Variants in TF observed in about 807,000 individuals in gnomAD.
TF encodes the protein serotransferrin.
A neutral mutation model predicts 82.4 loss-of-function variants in TF; 55 were observed. The observed-to-expected ratio is 0.67, with a 90% confidence interval of 0.54 to 0.84. TF has a LOEUF of 0.84. Ranked by LOEUF, TF falls within the 40% of genes least tolerant of loss-of-function variation. The pLI, the probability that TF is intolerant of heterozygous loss-of-function variation, is 0.00. For synonymous variants in TF, 332 were observed against 332.6 expected, an observed-to-expected ratio of 1.00 and a Z score of 0.02; for missense variants, 737 against 868.4, an observed-to-expected ratio of 0.85 and a Z score of 1.90.
chr3:133,761,771 T>C (rs1338348261), intron 9 of TF: 2 of 152,558 alleles, frequency 1.3e-5, no homozygotes, highest in Non-Finnish European at 2.9e-5. Context: ...CAGCTTTTAT[T>C]GTATGAAAGT....
At chr3:133,753,378 C>G (rs1186032447) in intron 2 of TF, among the ~76,000 whole-genome samples, 1 of 152,208 alleles carries the variant, frequency 6.6e-6, no homozygotes, top group African/African-American at 2.4e-5. Context: ...GAAACACAAT[C>G]CATCACTCCC....
At chr3:133,667,374 C>A in the TF span, among the ~76,000 whole-genome samples, 12 of 147,870 alleles carry the variant, frequency 8.1e-5, 2 homozygotes, top group South Asian at 2.1e-4. Flanking sequence ...AAAAAAAAAA[C>A]CCAAGTATGT....
intron 7 of TF, among the ~76,000 whole-genome samples, chr3:133,757,483 T>C (rs7645538): frequency 0.81 from 122,591 of 152,184 alleles, 49,810 homozygotes; most frequent in East Asian, 0.91. Flanking sequence ...GTTTGACTGG[T>C]AACCACACAG....
the TF span, among the ~76,000 whole-genome samples, chr3:133,673,670 A>C: frequency 1.3e-5 from 2 of 152,174 alleles, no homozygotes; most frequent in Non-Finnish European, 2.9e-5. Context: ...TATGTGTTAG[A>C]AGTCAAGATA....
chr3:133,737,521 T>A, the TF span, among the ~76,000 whole-genome samples: 2 of 151,076 alleles, frequency 1.3e-5, no homozygotes, highest in Admixed American at 1.3e-4. Flanking sequence ...AAAAAATCAA[T>A]GAATCCAGGA....
chr3:133,720,497 C>T, the TF span, among the ~76,000 whole-genome samples: 29 of 152,078 alleles, frequency 1.9e-4, no homozygotes, highest in African/African-American at 6.8e-4. Flanking sequence ...ATTGCATTTA[C>T]TAGTATCTTC....
At chr3:133,670,023 C>T in the TF span, among the ~76,000 whole-genome samples, 1 of 152,136 alleles carries the variant, frequency 6.6e-6, no homozygotes, top group Non-Finnish European at 1.5e-5. Context: ...AACATGGTGC[C>T]CCATGCCGTT....
chr3:133,740,916 T>G, the TF span, among the ~76,000 whole-genome samples: 53 of 149,794 alleles, frequency 3.5e-4, no homozygotes, highest in Middle Eastern at 3.4e-3. Flanking sequence ...TCATGTTTTT[T>G]TTTTTTTTTT....
At chr3:133,751,313 A>G (rs957144058) in intron 2 of TF, among the ~76,000 whole-genome samples, 4 of 148,950 alleles carry the variant, frequency 2.7e-5, no homozygotes, top group African/African-American at 9.9e-5. Flanking sequence ...ACTCACTGCA[A>G]GCTCCGCCTC....
chr3:133,765,242 G>GA (rs1206992616), intron 11 of TF, among the ~76,000 whole-genome samples: 1 of 152,184 alleles, frequency 6.6e-6, no homozygotes, highest in African/African-American at 2.4e-5. Context: ...ATCCTCACCT[G>GA]ACATGACATG....
At chr3:133,760,793 A>G in intron 9 of TF, 1 of 161,128 alleles carries the variant, frequency 6.2e-6, no homozygotes, top group Admixed American at 6.3e-5. Context: ...ATGTTCTGTG[A>G]GACCACGTCC....
chr3:133,723,145 A>G, the TF span, among the ~76,000 whole-genome samples: 1 of 152,128 alleles, frequency 6.6e-6, no homozygotes, highest in East Asian at 1.9e-4. Flanking sequence ...AAATATGCTG[A>G]TAGTCTGATA....
chr3:133,755,427 G>A lies in TF; in HGVS notation c.567G>A (p.Leu189=). The change falls in exon 5 of 17, where the codon CTG becomes CTA. Residue 189 remains leucine (L), a synonymous_variant. Transcript: ENST00000402696. The part of the protein sequence containing the change: ...PCADGTDFPQ[L]CQLCPGCGCS... ...CGGATGGGACGGACTTCCCCCAGCT[G>A]TGTCAACTGTGTCCAGGGTGTGGCT... 1.9e-6 allele frequency: 3 copies of A among 1,614,248 alleles called. No homozygotes were observed. The highest frequency in any genetic ancestry group is 1.7e-5 in the Admixed American group (1 of 60,034).
chr3:133,676,688 T>C, the TF span, among the ~76,000 whole-genome samples: 1 of 152,216 alleles, frequency 6.6e-6, no homozygotes, highest in Admixed American at 6.5e-5. Context: ...TAGGGAAGGC[T>C]GGAAGGCAGA....
Position 133,787,154 on chromosome 3 carries a change from C to A in TF, c.*8534C>A, listed in dbSNP as rs573489975. 6.6e-6 allele frequency: 1 copy of A among 152,098 alleles called. No homozygotes were observed. Among genetic ancestry groups the A allele is most frequent in the South Asian group, 2.1e-4 (1 of 4,816 alleles). The allele number at this position is 152,098 out of a possible 1,614,324, so 9.4% of individuals were successfully genotyped here. On this transcript the variant is annotated 3_prime_UTR_variant, in exon 17 of 17. Transcript: ENST00000402696. ...TAGAGTACATAATGGACAAATGAGT[C>A]CTAATTTTGCAACATTTGGTCTCTA...
chr3:133,738,955 A>G, the TF span, among the ~76,000 whole-genome samples: 7 of 152,212 alleles, frequency 4.6e-5, no homozygotes, highest in African/African-American at 1.7e-4. Context: ...CAGAATTGGA[A>G]AAAACTACTT....
In TF at chr3:133,755,936, A is replaced by G. The variant is rs970269379; in HGVS notation, c.636-346A>G. On this transcript the variant is annotated intron_variant, in intron 5 of 16. Transcript: ENST00000402696. Reference sequence around the variant, plus strand: ...AGCTGATTTCTTGCTTTCTCTTTTTACCTTGATTATATCCTAAAGTTTTAC... The same window carrying G: ...AGCTGATTTCTTGCTTTCTCTTTTTGCCTTGATTATATCCTAAAGTTTTAC... 8 of 440,802 alleles carry G rather than the reference A, an allele frequency of 1.8e-5. No individual in the cohort carries two copies. In the Admixed American group the frequency reaches 3.1e-4, roughly 17 times the overall value. 27.3% of individuals were successfully genotyped at this position (440,802 alleles called of 1,614,324 possible).
the TF span, among the ~76,000 whole-genome samples, chr3:133,726,520 A>T: frequency 1.4e-4 from 22 of 152,012 alleles, no homozygotes; most frequent in South Asian, 4.2e-3. Flanking sequence ...TTATCATTTT[A>T]TATTGCATCT....
intron 8 of TF, among the ~76,000 whole-genome samples, chr3:133,758,920 A>T (rs1933909862): frequency 6.6e-6 from 1 of 152,234 alleles, no homozygotes. Flanking sequence ...AAAAACAGCC[A>T]GAGGTCATAT....
Sources: allele counts gnomAD v4.1 joint callset (sites outside exome capture counted in the v4.1 genomes callset), GRCh38; gene constraint gnomAD v4.1.1; transcripts MANE v1.5; gene names NCBI Gene and HGNC (gene_info 2026-07-23, HGNC 2026-07-21).